The following ART3 variants were observed in gnomAD, a reference collection of about 807,000 sequenced individuals.
ART3 encodes ecto-ADP-ribosyltransferase 3.
Under a neutral mutation model 48.5 loss-of-function variants are expected in ART3, and 49 were observed. The observed-to-expected ratio is 1.01, with a 90% confidence interval of 0.80 to 1.28. The LOEUF is 1.28. Among genes scored for constraint, ART3 ranks in the 50% most tolerant of loss-of-function variants. ART3 has a pLI of 0.00. For missense variants in ART3, 438 were observed against 454.3 expected (o/e 0.96, Z 0.33); for synonymous variants, 145 against 157.2 (o/e 0.92, Z 0.58).
At chr4:76,103,903 A>T (rs375667853) in intron 8 of ART3, 34 bp from the exon 9 acceptor site, 1 of 1,595,180 alleles carries the variant, frequency 6.3e-7, no homozygotes, top group Non-Finnish European at 8.6e-7. Context: ...AAGATAACTG[A>T]TTAATACAAA....
chr4:76,101,550 G>A (rs1009808126), intron 8 of ART3, among the ~76,000 whole-genome samples: 5 of 152,102 alleles, frequency 3.3e-5, no homozygotes, highest in South Asian at 2.1e-4. Flanking sequence ...GGCGGATCAC[G>A]AGATCAGCCT....
intron 1 of ART3, among the ~76,000 whole-genome samples, chr4:76,045,541 C>G (rs560930144): frequency 3.2e-4 from 49 of 152,122 alleles, no homozygotes; most frequent in African/African-American, 1.0e-3. Context: ...GCTACTACAT[C>G]AATTTCCTTA....
intron 1 of ART3, among the ~76,000 whole-genome samples, chr4:76,066,930 G>T (rs748033968): frequency 4.9e-4 from 75 of 152,272 alleles, no homozygotes; most frequent in Non-Finnish European, 9.1e-4. Flanking sequence ...AGGGCAGGGG[G>T]GCCTTCCCAG....
At chr4:76,066,290 G>T (rs180816554) in intron 1 of ART3, among the ~76,000 whole-genome samples, 65 of 152,146 alleles carry the variant, frequency 4.3e-4, no homozygotes, top group African/African-American at 1.5e-3. Flanking sequence ...GAAGAATGAG[G>T]TATGCAGACA....
At chr4:76,035,227 T>G in intron 1 of ART3, 1 of 1,614,110 alleles carries the variant, frequency 6.2e-7, no homozygotes, top group Non-Finnish European at 8.5e-7. Flanking sequence ...TCACTTCTAT[T>G]TTGTCACAGT....
intron 3 of ART3, among the ~76,000 whole-genome samples, chr4:76,092,693 A>T (rs1725173880): frequency 6.6e-6 from 1 of 152,022 alleles, no homozygotes; most frequent in African/African-American, 2.4e-5. Context: ...TCATATTTGG[A>T]AAGTTGTGAC....
intron 1 of ART3, among the ~76,000 whole-genome samples, chr4:76,026,648 C>A (rs1177239432): frequency 6.6e-6 from 1 of 152,154 alleles, no homozygotes; most frequent in African/African-American, 2.4e-5. Flanking sequence ...CATTCCGGAA[C>A]TCTGGTAAAT....
chr4:76,035,448 T>C (rs1734298204), intron 1 of ART3: 4 of 1,153,568 alleles, frequency 3.5e-6, no homozygotes, highest in African/African-American at 3.1e-5. Context: ...AGGGTAAAGA[T>C]AGTAATTTGT....
chr4:76,015,563 C>T (rs1732181245), intron 1 of ART3, among the ~76,000 whole-genome samples: 1 of 152,174 alleles, frequency 6.6e-6, no homozygotes, highest in Admixed American at 6.5e-5. Context: ...TAAAACCTTC[C>T]TTATCAGTAA....
At chr4:76,098,831 T>C (rs893366328) in intron 4 of ART3, 124 bp from the exon 5 acceptor site, 1 of 779,548 alleles carries the variant, frequency 1.3e-6, no homozygotes, top group African/African-American at 1.8e-5. Flanking sequence ...AGTAACTGTA[T>C]TTTTATGTTT....
At chr4:76,020,084 T>C (rs1413489259) in intron 1 of ART3, among the ~76,000 whole-genome samples, 2 of 152,106 alleles carry the variant, frequency 1.3e-5, no homozygotes, top group African/African-American at 2.4e-5. Flanking sequence ...TGCTTCTTAC[T>C]TCTGTGAAAT....
Position 76,081,922 on chromosome 4 carries a change from A to G in ART3, c.168A>G (p.Leu56=), listed in dbSNP as rs1232538508. The G allele has an allele frequency of 4.3e-6, 7 of 1,614,096 alleles. No individual in the cohort carries two copies. In the Admixed American group the frequency reaches 1.0e-4, roughly 23 times the overall value. Residue 56 remains leucine (L), a synonymous_variant, in exon 3 of 12, where the codon CTA becomes CTG. Coordinates refer to ENST00000355810, the MANE Select transcript of ART3 (RefSeq NM_001130016.3). ...RMEIKYVPQL[L]KEEKASHQQL... is the part of the protein sequence containing the mutation. The stretch of plus-strand genomic sequence containing the variant: ...AAATTAAATACGTTCCCCAACTGCT[A>G]AAGGAGGAAAAAGCAAGCCACCAGC...
intron 1 of ART3, among the ~76,000 whole-genome samples, chr4:76,026,338 T>G (rs1419675440): frequency 6.6e-6 from 1 of 152,196 alleles, no homozygotes; most frequent in Non-Finnish European, 1.5e-5. Context: ...CATGCTAAAA[T>G]GTATGCCCCA....
rs1722659846 is a variant in ART3 at position 76,082,311 on chromosome 4, C to G, written c.557C>G (p.Ala186Gly). Residue 186 changes from alanine (A) to glycine (G), a missense_variant, in exon 3 of 12, where the codon GCA (alanine) becomes GGA (glycine). By Grantham distance (60) the Ala-to-Gly change is moderately conservative (BLOSUM62 0). Around this residue, in one of 3 missense-constraint regions of ART3, gnomAD observed 5 missense variants for 19.5 expected, o/e 0.26. Transcript: ENST00000355810. Reference sequence around the variant, plus strand: ...GCCAGGTTTGGCCATTTTACCTTGGCATATTCAGCCAAACCTCAGGCTGCT... The same window carrying G: ...GCCAGGTTTGGCCATTTTACCTTGGGATATTCAGCCAAACCTCAGGCTGCT... ...NQARFGHFTLAYSAKPQAAND... is the reference protein window; with the variant it reads ...NQARFGHFTLGYSAKPQAAND... 6.2e-7 allele frequency: 1 copy of G among 1,614,076 alleles called. No homozygotes were observed. The highest frequency in any genetic ancestry group is 1.3e-5 in the African/African-American group (1 of 74,922).
chr4:76,105,883 A>C (rs1262202764), intron 10 of ART3: 7 of 985,310 alleles, frequency 7.1e-6, no homozygotes, highest in Non-Finnish European at 8.4e-6. Flanking sequence ...GCATCATCCA[A>C]GAACTGTGAA....
At chr4:76,013,424 G>T (rs884004) in intron 1 of ART3, among the ~76,000 whole-genome samples, 32,634 of 151,948 alleles carry the variant, frequency 0.21, 3,941 homozygotes, top group East Asian at 0.38. Context: ...AATAACATGA[G>T]ATTTATATAT....
intron 1 of ART3, among the ~76,000 whole-genome samples, chr4:76,063,191 G>A (rs960854654): frequency 6.6e-6 from 1 of 152,038 alleles, no homozygotes; most frequent in Non-Finnish European, 1.5e-5. Context: ...GCTTCCTGGA[G>A]GCAGGGATTT....
intron 11 of ART3, among the ~76,000 whole-genome samples, chr4:76,108,538 C>T (rs1373027979): frequency 6.6e-6 from 1 of 150,942 alleles, no homozygotes; most frequent in Non-Finnish European, 1.5e-5. Context: ...TCTACCTCCA[C>T]TCCACTGTTA....
chr4:76,024,522 C>T (rs554057644), intron 1 of ART3, among the ~76,000 whole-genome samples: 1 of 152,304 alleles, frequency 6.6e-6, no homozygotes, highest in Non-Finnish European at 1.5e-5. Context: ...TAGTACTTGA[C>T]TGATTATTCA....
Sources: gnomAD v4.1 joint callset for allele counts (sites outside exome capture counted in the v4.1 genomes callset) on GRCh38, gnomAD v4.1.1 for gene constraint, gnomAD v4.1.1 regional missense constraint, MANE v1.5 for transcripts, NCBI Gene and HGNC (gene_info 2026-07-23, HGNC 2026-07-21) for gene names.